Variants in NT5E observed in about 807,000 individuals in gnomAD.
NT5E encodes the protein 5'-nucleotidase.
Under a neutral mutation model 55.1 loss-of-function variants are expected in NT5E, and 53 were observed. The observed-to-expected ratio is 0.96, with a 90% CI of 0.77 to 1.21. The LOEUF (loss-of-function observed/expected upper bound fraction) is 1.21. Ranked by LOEUF, NT5E falls within the 50% of genes most tolerant of loss-of-function variation. NT5E has a pLI of 0.00. For synonymous variants in NT5E, 270 were observed against 278.4 expected (o/e 0.97, Z 0.30); for missense variants, 683 against 724.3 (o/e 0.94, Z 0.65).
chr6:85,465,385 A>T (rs1019359999), intron 1 of NT5E, among the ~76,000 whole-genome samples: 1 of 152,240 alleles, frequency 6.6e-6, no homozygotes, highest in African/African-American at 2.4e-5. Context: ...TAGTTAAGCA[A>T]GAAAGTGATT....
intron 1 of NT5E, among the ~76,000 whole-genome samples, chr6:85,452,133 CA>C (rs1266919335): frequency 6.6e-6 from 1 of 152,202 alleles, no homozygotes; most frequent in Admixed American, 6.5e-5. Context: ...TCAGTAATGA[CA>C]AAATAAATAT....
chr6:85,482,923 A>C (rs1270130831), intron 3 of NT5E, among the ~76,000 whole-genome samples: 5 of 152,224 alleles, frequency 3.3e-5, no homozygotes, highest in Admixed American at 2.0e-4. Flanking sequence ...AAACTAGACC[A>C]GCTATCGCCC....
intron 3 of NT5E, among the ~76,000 whole-genome samples, 168 bp from the exon 4 acceptor site, chr6:85,485,067 T>C (rs1451324504): frequency 1.3e-5 from 2 of 152,170 alleles, no homozygotes; most frequent in East Asian, 3.9e-4. Flanking sequence ...AAAGGGCATT[T>C]GGAAATGGGC....
Position 85,495,622 on chromosome 6 carries a change from T to A in NT5E, c.*1618T>A, listed in dbSNP as rs1478328885. 2 of 152,216 alleles carry A rather than the reference T, an allele frequency of 1.3e-5. No homozygotes were observed. The highest frequency in any genetic ancestry group is 2.9e-5 in the Non-Finnish European group (2 of 68,024). The allele number at this position is 152,216 out of a possible 1,614,324, so 9.4% of individuals were successfully genotyped here. ...AGAGAAAGTCACATTTAGGGTTTAT[T>A]TTTTACACTTGGCCAGTAAAATAGG... is the stretch of plus-strand genomic sequence containing the variant. On this transcript the variant is annotated 3_prime_UTR_variant, in exon 9 of 9. Transcript: ENST00000257770.
At chr6:85,470,461 A>AT (rs949840225) in intron 2 of NT5E, among the ~76,000 whole-genome samples, 4 of 152,264 alleles carry the variant, frequency 2.6e-5, no homozygotes, top group African/African-American at 9.6e-5. Flanking sequence ...ATATTTATAT[A>AT]TTTTTTGAGG....
intron 1 of NT5E, among the ~76,000 whole-genome samples, chr6:85,462,370 T>C (rs972119451): frequency 1.3e-5 from 2 of 152,190 alleles, no homozygotes; most frequent in African/African-American, 2.4e-5. Flanking sequence ...CTCCCAGCGA[T>C]GCTCTTAGCA....
At chr6:85,467,969 T>C (rs1171952287) in intron 2 of NT5E, among the ~76,000 whole-genome samples, 3 of 151,994 alleles carry the variant, frequency 2.0e-5, no homozygotes, top group South Asian at 4.2e-4. Flanking sequence ...AGAAACTATT[T>C]TGAGGCACTT....
rs1312656561 is a variant in NT5E at position 85,487,464 on chromosome 6, T to A, written c.1079T>A (p.Met360Lys). Residue 360 changes from methionine (M) to lysine (K), a missense_variant, in exon 5 of 9, where the codon ATG becomes AAG. Coordinates refer to ENST00000257770, the MANE Select transcript of NT5E (RefSeq NM_002526.4). ...SQSCRFRECN[M>K]GNLICDAMIN... The stretch of plus-strand genomic sequence containing the variant: ...TCATGCCGCTTTAGAGAATGCAACA[T>A]GGGCAACCTGATTTGTGATGCAATG... 6.2e-7 allele frequency: 1 copy of A among 1,614,078 alleles called. No individual in the cohort carries two copies. Among genetic ancestry groups the A allele is most frequent in the Non-Finnish European group, 8.5e-7 (1 of 1,180,022 alleles).
chr6:85,483,510 G>C (rs1337404523), intron 3 of NT5E, among the ~76,000 whole-genome samples: 3 of 152,240 alleles, frequency 2.0e-5, no homozygotes, highest in African/African-American at 7.2e-5. Context: ...GATGGAGATG[G>C]AACAAAGGCT....
chr6:85,450,181 C>T lies in NT5E; in HGVS notation c.42C>T (p.Leu14=), dbSNP rs368613430. 320 of 1,605,878 alleles carry T rather than the reference C, an allele frequency of 2.0e-4. 1 individual carries two copies. The African/African-American group carries it at 2.7e-3, about 14-fold the overall frequency. Reference sequence around the variant, plus strand: ...CGCGGGCGCCCGCGACGCTACTCCTCGCCCTGGGCGCGGTGCTGTGGCCTG... The same window carrying T: ...CGCGGGCGCCCGCGACGCTACTCCTTGCCCTGGGCGCGGTGCTGTGGCCTG... The part of the protein sequence containing the change: ...RAARAPATLL[L]ALGAVLWPAA... The change falls in exon 1 of 9, where the codon CTC becomes CTT. Residue 14 remains leucine, a synonymous_variant. Coordinates refer to ENST00000257770, the MANE Select transcript of NT5E (RefSeq NM_002526.4). The surrounding 1 kb of genome is among the most constrained non-coding windows in gnomAD (Gnocchi z 4.0).
intron 2 of NT5E, among the ~76,000 whole-genome samples, chr6:85,468,096 G>A (rs1423148473): frequency 1.3e-5 from 2 of 152,152 alleles, no homozygotes; most frequent in Admixed American, 1.3e-4. Flanking sequence ...ATAGGAGCCA[G>A]GGTTATCTAG....
intron 1 of NT5E, among the ~76,000 whole-genome samples, chr6:85,462,055 C>T (rs1769109143): frequency 6.6e-6 from 1 of 152,130 alleles, no homozygotes; most frequent in Non-Finnish European, 1.5e-5. Context: ...CTGCCCGTGC[C>T]CTCATGCCCA....
intron 2 of NT5E, among the ~76,000 whole-genome samples, chr6:85,469,605 G>A (rs1371927283): frequency 2.0e-5 from 3 of 152,202 alleles, no homozygotes; most frequent in African/African-American, 2.4e-5. Context: ...CACATAGAAG[G>A]CAACATAGCA....
intron 1 of NT5E, among the ~76,000 whole-genome samples, chr6:85,453,502 A>G (rs1768931559): frequency 6.6e-6 from 1 of 151,970 alleles, no homozygotes; most frequent in Admixed American, 6.5e-5. Flanking sequence ...TGCCTAAACT[A>G]TTTTTGCTAT....
At chr6:85,479,693 T>C (rs928556790) in intron 3 of NT5E, among the ~76,000 whole-genome samples, 2 of 152,208 alleles carry the variant, frequency 1.3e-5, no homozygotes, top group African/African-American at 4.8e-5. Flanking sequence ...TCATTACTTC[T>C]GAAAAGAACA....
intron 2 of NT5E, among the ~76,000 whole-genome samples, chr6:85,469,893 C>G (rs1362403912): frequency 1.3e-5 from 2 of 152,188 alleles, no homozygotes; most frequent in African/African-American, 2.4e-5. Flanking sequence ...TTCAGGAGTT[C>G]CCCTGCTGAA....
intron 1 of NT5E, among the ~76,000 whole-genome samples, chr6:85,454,412 T>C (rs1768949326): frequency 6.6e-6 from 1 of 152,246 alleles, no homozygotes; most frequent in Non-Finnish European, 1.5e-5. Context: ...ATCATGTACT[T>C]TTCTAATAAC....
chr6:85,472,503 G>A (rs1236981122), intron 3 of NT5E, among the ~76,000 whole-genome samples: 2 of 152,282 alleles, frequency 1.3e-5, no homozygotes, highest in African/African-American at 4.8e-5. Context: ...TGGGTCAAAA[G>A]TCCCCATTCC....
At chr6:85,487,012 C>A (rs931652863) in intron 4 of NT5E, among the ~76,000 whole-genome samples, 2 of 152,156 alleles carry the variant, frequency 1.3e-5, no homozygotes, top group African/African-American at 4.8e-5. Flanking sequence ...CTCAGCAGGC[C>A]TTTTATAACT....
Sources: allele counts gnomAD v4.1 joint callset (sites outside exome capture counted in the v4.1 genomes callset), GRCh38; gene constraint gnomAD v4.1.1; non-coding constraint Gnocchi (gnomAD v3.1); transcripts MANE v1.5; gene names NCBI Gene and HGNC (gene_info 2026-07-23, HGNC 2026-07-21).